POLR3C: variants seen among roughly 807,000 people sequenced by gnomAD.
The protein encoded by POLR3C is DNA-directed RNA polymerase III subunit RPC3.
A neutral mutation model predicts 65.9 loss-of-function variants in POLR3C; 44 were observed. That is an observed-to-expected ratio of 0.67 (90% confidence interval 0.52 to 0.86). The LOEUF (loss-of-function observed/expected upper bound fraction) is 0.86, where lower values mean the gene tolerates loss of function less well. Among genes scored for constraint, POLR3C ranks in the 40% least tolerant of loss-of-function variants. POLR3C has a pLI of 0.00. For missense variants in POLR3C, 576 were observed against 653.2 expected (o/e 0.88, Z 1.29); for synonymous variants, 263 against 231.6 (o/e 1.14, Z -1.23).
intron 7 of POLR3C, 146 bp from the exon 8 acceptor site, chr1:145,836,348 G>A: frequency 1.6e-6 from 1 of 632,458 alleles, no homozygotes; most frequent in Non-Finnish European, 2.8e-6. Flanking sequence ...TCCAACTCTT[G>A]ACCCAAAGTG....
intron 4 of POLR3C, among the ~76,000 whole-genome samples, chr1:145,827,364 A>C (rs1559142026): frequency 6.6e-6 from 1 of 152,170 alleles, no homozygotes; most frequent in Non-Finnish European, 1.5e-5. Flanking sequence ...AAAATATATA[A>C]TGGAGACTTT....
chr1:145,836,062 T>TA (rs1368031581), intron 7 of POLR3C, among the ~76,000 whole-genome samples: 1 of 152,156 alleles, frequency 6.6e-6, no homozygotes, highest in African/African-American at 2.4e-5. Flanking sequence ...TTTTTACTCT[T>TA]ACAAACAATC....
chr1:145,842,329 T>C lies in POLR3C; in HGVS notation c.1524-10T>C, dbSNP rs782767409. 2 of 1,583,342 alleles carry C rather than the reference T, an allele frequency of 1.3e-6. No individual in the cohort carries two copies. Among genetic ancestry groups the C allele is most frequent in the Non-Finnish European group, 1.7e-6 (2 of 1,154,590 alleles). ...TTCAGTCTAGGCAAATGCCTTTACTTTTCACTCAGGTTGGATGCCAGTGAG... is the reference window on the plus strand; with the variant it reads ...TTCAGTCTAGGCAAATGCCTTTACTCTTCACTCAGGTTGGATGCCAGTGAG... On this transcript the variant is annotated splice_polypyrimidine_tract_variant and intron_variant, in intron 14 of 14. Transcript: ENST00000334163.
At position 145,833,499 on chromosome 1, in the gene POLR3C, G is replaced by T; in HGVS notation, c.793G>T (p.Glu265Ter). The T allele has an allele frequency of 6.2e-7, 1 of 1,613,092 alleles. No homozygotes were observed. The highest frequency in any genetic ancestry group is 8.5e-7 in the Non-Finnish European group (1 of 1,179,008). ...TTTACTTTTCAAACAGACAAGCAGC[G>T]AGATTGTGCGAACCATGCTCCGAAT... ...VANRMDQTSSEIVRTMLRMSE... is the reference protein window; with the variant it reads ...VANRMDQTSS The change falls in exon 7 of 15, where the codon GAG (glutamate) becomes TAG (stop). Residue 265 changes from glutamate to a stop codon, truncating the protein, a stop_gained. Transcript: ENST00000334163. LOFTEE classifies it high-confidence loss of function.
rs189473252 is a variant in POLR3C, at chr1:145,836,491, T to C, written c.877-3T>C. ...CCCATTTTAAGTGTCCTTTGCTCCA[T>C]AGATCTTCAGATCCCTACCTGTTGG... On this transcript the variant is annotated splice_region_variant and splice_polypyrimidine_tract_variant and intron_variant, in intron 7 of 14. Coordinates refer to ENST00000334163, the MANE Select transcript of POLR3C (RefSeq NM_006468.8). The C allele has an allele frequency of 5.1e-6, 8 of 1,566,270 alleles. No individual in the cohort carries two copies. The East Asian group carries it at 1.6e-4, about 31-fold the overall frequency.
At chr1:145,831,766 G>A (rs797034982) in intron 5 of POLR3C, among the ~76,000 whole-genome samples, 7 of 152,316 alleles carry the variant, frequency 4.6e-5, no homozygotes, top group African/African-American at 1.7e-4. Context: ...TGTCGGCCAG[G>A]CCCAGTGGCT....
rs1651529461 is a variant in POLR3C, at chr1:145,833,551, C to T, written c.845C>T (p.Ala282Val). The change falls in exon 7 of 15, where the codon GCT (alanine) becomes GTT (valine). Residue 282 changes from alanine to valine, a missense_variant. Transcript: ENST00000334163. ...AGTGAGATTACCACTTCCTCTAGTG[C>T]TCCCTTCACCCAGCCATTGTCTTCC... ...RMSEITTSSS[A>V]PFTQPLSSNE... 3.7e-6 allele frequency: 6 copies of T among 1,611,692 alleles called. No individual in the cohort carries two copies. The South Asian group carries it at 4.4e-5, about 12-fold the overall frequency.
intron 11 of POLR3C, among the ~76,000 whole-genome samples, chr1:145,838,652 A>C (rs1359777436): frequency 6.6e-6 from 1 of 152,136 alleles, no homozygotes; most frequent in Non-Finnish European, 1.5e-5. Flanking sequence ...AAGCCACTGC[A>C]CTCTAGCCTG....
rs1559140465 is a variant in POLR3C at position 145,825,936 on chromosome 1, G to T, written c.147+13G>T. ...ATCACTGGATCAGGTATGTCTAAAT[G>T]ACATTCATTTTCTCTCATTTCTTTC... On this transcript the variant is annotated intron_variant, in intron 2 of 14. Coordinates refer to ENST00000334163, the MANE Select transcript of POLR3C (RefSeq NM_006468.8). The T allele has an allele frequency of 6.3e-7, 1 of 1,587,236 alleles. No homozygotes were observed. The highest frequency in any genetic ancestry group is 2.2e-5 in the East Asian group (1 of 44,640).
intron 5 of POLR3C, among the ~76,000 whole-genome samples, chr1:145,831,691 G>C (rs1302303648): frequency 6.6e-6 from 1 of 152,174 alleles, no homozygotes; most frequent in East Asian, 1.9e-4. Flanking sequence ...GGATCTGAAA[G>C]AGGAATCTGT....
rs116129062 is a variant in POLR3C, at chr1:145,825,494, A to T, written c.-20-263A>T. ...TAGTATGCCATTGTATGGGTATGGC[A>T]TCATTTATTGTTAGACGTTAGATTG... is the stretch of plus-strand genomic sequence containing the variant. On this transcript the variant is annotated intron_variant, in intron 1 of 14. Transcript: ENST00000334163. Among the ~76,000 whole-genome samples, 989 of 152,340 alleles carry T rather than the reference A, an allele frequency of 6.5e-3. 10 individuals carry two copies. The highest frequency in any genetic ancestry group is 0.014 in the Admixed American group (209 of 15,296).
chr1:145,829,304 C>T (rs782263241), intron 5 of POLR3C, among the ~76,000 whole-genome samples: 42 of 152,188 alleles, frequency 2.8e-4, no homozygotes, highest in Non-Finnish European at 6.0e-4. Flanking sequence ...GTAAAAGACA[C>T]TACCACGTAG....
chr1:145,835,754 A>C (rs900058524), intron 7 of POLR3C, among the ~76,000 whole-genome samples: 3 of 152,006 alleles, frequency 2.0e-5, no homozygotes, highest in Admixed American at 2.0e-4. Flanking sequence ...TTGTATTTTT[A>C]GTAGAGACAG....
chr1:145,832,675 T>A (rs1049028568), intron 5 of POLR3C, among the ~76,000 whole-genome samples: 3 of 151,208 alleles, frequency 2.0e-5, no homozygotes, highest in African/African-American at 7.3e-5. Flanking sequence ...CTGCCGAGAG[T>A]GAGAAGGAAG....
chr1:145,835,789 G>C (rs781716213), intron 7 of POLR3C, among the ~76,000 whole-genome samples: 1 of 152,088 alleles, frequency 6.6e-6, no homozygotes, highest in African/African-American at 2.4e-5. Context: ...GGCCAGGCTG[G>C]TCTCGAACTC....
In POLR3C at chr1:145,833,543, C is replaced by G. The variant is rs782731385; in HGVS notation, c.837C>G (p.Ser279=). 48 of 1,612,994 alleles carry G rather than the reference C, an allele frequency of 3.0e-5. No homozygotes were observed. Among genetic ancestry groups the G allele is most frequent in the Non-Finnish European group, 4.0e-5 (47 of 1,179,020 alleles). The change falls in exon 7 of 15, where the codon TCC becomes TCG. Residue 279 remains serine (S), a synonymous_variant. Coordinates refer to ENST00000334163, the MANE Select transcript of POLR3C (RefSeq NM_006468.8). ...TCCGAATGAGTGAGATTACCACTTCCTCTAGTGCTCCCTTCACCCAGCCAT... is the reference window on the plus strand; with the variant it reads ...TCCGAATGAGTGAGATTACCACTTCGTCTAGTGCTCCCTTCACCCAGCCAT... ...TMLRMSEITT[S]SSAPFTQPLS...
chr1:145,828,898 TA>T, intron 5 of POLR3C, 61 bp downstream of exon 5: 1 of 881,700 alleles, frequency 1.1e-6, no homozygotes, highest in Non-Finnish European at 1.9e-6. Context: ...AGCACTCAGA[TA>T]ACAAGCCCCA....
chr1:145,830,872 C>A (rs1036768065), intron 5 of POLR3C, among the ~76,000 whole-genome samples: 9 of 150,996 alleles, frequency 6.0e-5, no homozygotes, highest in African/African-American at 2.2e-4. Flanking sequence ...GGGAGGCTGA[C>A]GTAGAAGAAT....
At chr1:145,825,382 A>AT (rs1490342945) in intron 1 of POLR3C, among the ~76,000 whole-genome samples, 1 of 152,192 alleles carries the variant, frequency 6.6e-6, no homozygotes, top group Non-Finnish European at 1.5e-5. Flanking sequence ...AAGTGCTAGG[A>AT]TTACAGGCCT....
Sources: gnomAD v4.1 joint callset for allele counts (sites outside exome capture counted in the v4.1 genomes callset) on GRCh38, gnomAD v4.1.1 for gene constraint, MANE v1.5 for transcripts, NCBI Gene and HGNC (gene_info 2026-07-23, HGNC 2026-07-21) for gene names.